LOXHD1: variants seen among roughly 807,000 people sequenced by gnomAD.
LOXHD1 encodes lipoxygenase homology domain-containing protein 1.
A neutral mutation model predicts 248.2 loss-of-function variants in LOXHD1; 205 were observed. That is an observed-to-expected ratio of 0.83 (90% confidence interval 0.74 to 0.93). The LOEUF (loss-of-function observed/expected upper bound fraction) is 0.93. LOXHD1 is among the 40% of genes least tolerant of loss of function. The pLI is 0.00. For missense variants in LOXHD1, 2,930 were observed against 2,971.6 expected, an observed-to-expected ratio of 0.99 and a Z score of 0.33; for synonymous variants, 1,113 against 1,162.8, an observed-to-expected ratio of 0.96 and a Z score of 0.87.
chr18:46,532,107 T>C (rs1276787526), intron 28 of LOXHD1, among the ~76,000 whole-genome samples: 3 of 152,226 alleles, frequency 2.0e-5, no homozygotes, highest in Admixed American at 6.5e-5. Flanking sequence ...TTTTAAATTT[T>C]ACTCCAGTTT....
At chr18:46,612,449 C>T (rs1200873304) in intron 5 of LOXHD1, among the ~76,000 whole-genome samples, 1 of 152,120 alleles carries the variant, frequency 6.6e-6, no homozygotes, top group Non-Finnish European at 1.5e-5. Flanking sequence ...TTTTAATTTG[C>T]ATTCCCCTGC....
chr18:46,548,446 G>C (rs899056353), intron 21 of LOXHD1, among the ~76,000 whole-genome samples: 1 of 152,178 alleles, frequency 6.6e-6, no homozygotes, highest in Non-Finnish European at 1.5e-5. Flanking sequence ...GGCTCAGATG[G>C]GGTGCTGAGG....
chr18:46,496,337 A>G (rs534797234), intron 37 of LOXHD1, among the ~76,000 whole-genome samples: 17 of 152,322 alleles, frequency 1.1e-4, no homozygotes, highest in African/African-American at 3.8e-4. Context: ...ATAGACAAAA[A>G]TGGTTGAAAG....
chr18:46,538,062 G>T, intron 26 of LOXHD1, 94 bp downstream of exon 26: 1 of 1,168,916 alleles, frequency 8.6e-7, no homozygotes, highest in Non-Finnish European at 1.2e-6. Flanking sequence ...AGTGCATCAG[G>T]ATGAAGGGCA....
chr18:46,485,200 G>A (rs919862184), intron 38 of LOXHD1, 49 bp from the exon 39 acceptor site: 49 of 1,525,806 alleles, frequency 3.2e-5, no homozygotes, highest in Middle Eastern at 1.7e-4. Context: ...AGCAGTGCCC[G>A]TCTTCAGGGC....
rs1437139700 is a variant in LOXHD1 at position 46,494,854 on chromosome 18, T to C, written c.5879-5712A>G. Among the ~76,000 whole-genome samples the C allele has an allele frequency of 1.9e-4, 15 of 77,794 alleles. No individual in the cohort carries two copies. The East Asian group carries it at 4.6e-3, about 24-fold the overall frequency. The allele number at this position is 77,794 out of a possible 152,430, so 51.0% of individuals were successfully genotyped here. A position where few individuals can be genotyped will look rare whatever the true frequency, so the allele number is the denominator to read the frequency against. On this transcript the variant is annotated intron_variant, in intron 37 of 40. Transcript: ENST00000642948. ...TTTCTCCTTTTTCTCTCTCTCTTTT[T>C]TTTTTTTTTTTTTTTTTGAGACAGA...
intron 22 of LOXHD1, 89 bp from the exon 23 acceptor site, chr18:46,545,510 T>C: frequency 1.1e-6 from 1 of 929,686 alleles, no homozygotes; most frequent in South Asian, 1.4e-5. Flanking sequence ...CTAGAAGGGC[T>C]TCCTTGATTC....
At chr18:46,563,011 T>C in intron 18 of LOXHD1, 54 bp downstream of exon 18, 1 of 1,506,412 alleles carries the variant, frequency 6.6e-7, no homozygotes, top group Non-Finnish European at 9.0e-7. Context: ...CAGGGAAGCA[T>C]CTTGGTGTCC....
At chr18:46,554,528 T>C (rs1219216958) in intron 21 of LOXHD1, among the ~76,000 whole-genome samples, 2 of 152,174 alleles carry the variant, frequency 1.3e-5, no homozygotes, top group Admixed American at 6.5e-5. Context: ...AGGCTTTGCA[T>C]AGAGTTGCTC....
intron 34 of LOXHD1, among the ~76,000 whole-genome samples, chr18:46,512,487 A>G (rs572055282): frequency 1.3e-5 from 2 of 152,342 alleles, no homozygotes; most frequent in African/African-American, 4.8e-5. Flanking sequence ...TTTGAGTAAT[A>G]ATAAAATTCT....
In LOXHD1 at chr18:46,557,543, G is replaced by C. The variant is rs942521679; in HGVS notation, c.3217-54C>G. 23 of 1,547,584 alleles carry C rather than the reference G, an allele frequency of 1.5e-5. No individual in the cohort carries two copies. The Admixed American group carries it at 4.5e-4, about 30-fold the overall frequency. Reference sequence around the variant, plus strand: ...GGTAAGACCTACCCCTCCCCACATGGCCATCAGCCCCATCCTCCCAAGAAC... The same window carrying C: ...GGTAAGACCTACCCCTCCCCACATGCCCATCAGCCCCATCCTCCCAAGAAC... On this transcript the variant is annotated intron_variant, in intron 20 of 40. Coordinates refer to ENST00000642948, the MANE Select transcript of LOXHD1 (RefSeq NM_001384474.1).
intron 37 of LOXHD1, among the ~76,000 whole-genome samples, chr18:46,489,641 TC>T (rs2033321231): frequency 6.6e-6 from 1 of 152,152 alleles, no homozygotes; most frequent in Non-Finnish European, 1.5e-5. Flanking sequence ...TTCCCTGATG[TC>T]CCCTGATCAC....
chr18:46,524,352 AGTGTTAGATAT>A, intron 31 of LOXHD1, 103 bp downstream of exon 31: 1 of 1,375,018 alleles, frequency 7.3e-7, no homozygotes. Context: ...TAAATGACTA[AGTGTTAGATAT>A]GTCATCGGTG....
intron 6 of LOXHD1, among the ~76,000 whole-genome samples, chr18:46,607,623 A>T (rs550278600): frequency 6.6e-5 from 10 of 152,014 alleles, no homozygotes; most frequent in Non-Finnish European, 1.2e-4. Context: ...TTTTATGATG[A>T]ACATGTATTA....
chr18:46,516,993 G>A (rs2144066983), intron 34 of LOXHD1, among the ~76,000 whole-genome samples: 1 of 152,288 alleles, frequency 6.6e-6, no homozygotes, highest in Admixed American at 6.5e-5. Flanking sequence ...GAAGTATTGA[G>A]TGCCTACTAT....
At chr18:46,618,487 T>C (rs1442698452) in intron 4 of LOXHD1, among the ~76,000 whole-genome samples, 197 bp from the exon 5 acceptor site, 1 of 152,242 alleles carries the variant, frequency 6.6e-6, no homozygotes, top group African/African-American at 2.4e-5. Context: ...TCATCATTAC[T>C]GTCAACAACA....
chr18:46,528,498 G>A (rs901817510), intron 29 of LOXHD1, among the ~76,000 whole-genome samples: 28 of 152,158 alleles, frequency 1.8e-4, no homozygotes, highest in African/African-American at 6.8e-4. Flanking sequence ...ACCCAGTCAT[G>A]TGGTTTTCAA....
chr18:46,486,104 T>C (rs926145113), intron 38 of LOXHD1, among the ~76,000 whole-genome samples: 2 of 152,054 alleles, frequency 1.3e-5, no homozygotes, highest in African/African-American at 2.4e-5. Context: ...TAAGCCAAGA[T>C]ACTGAGAGAG....
intron 6 of LOXHD1, among the ~76,000 whole-genome samples, chr18:46,606,822 A>G (rs1279681664): frequency 1.3e-5 from 2 of 152,148 alleles, no homozygotes; most frequent in African/African-American, 2.4e-5. Context: ...ACCAAAGGAG[A>G]TTGGTTTAAT....
Sources: gnomAD v4.1 joint callset for allele counts (sites outside exome capture counted in the v4.1 genomes callset) on GRCh38, gnomAD v4.1.1 for gene constraint, MANE v1.5 for transcripts, NCBI Gene and HGNC (gene_info 2026-07-23, HGNC 2026-07-21) for gene names.